The following ZNF564 variants were observed in gnomAD, a reference collection of about 807,000 sequenced individuals.
ZNF564 encodes the protein zinc finger protein 564.
In ZNF564, 5 loss-of-function variants were observed where a neutral mutation model predicts 10.5. The ratio of observed to expected loss-of-function variants is 0.48; its 90% CI spans 0.25 to 1.00. ZNF564 has a LOEUF of 1.00. Ranked by LOEUF, ZNF564 falls within the 50% of genes least tolerant of loss-of-function variation. The probability of loss-of-function intolerance (pLI) is 0.16; values close to 1 mark genes in which losing one functional copy is unlikely to be tolerated. For missense variants in ZNF564, 603 were observed against 669.7 expected, an observed-to-expected ratio of 0.90 and a Z score of 1.10; for synonymous variants, 242 against 218.1, an observed-to-expected ratio of 1.11 and a Z score of -0.97.
chr19:12,542,672 AGGAAGGAAGG>A (rs2022080171), intron 1 of ZNF564, among the ~76,000 whole-genome samples: 1 of 151,624 alleles, frequency 6.6e-6, no homozygotes, highest in African/African-American at 2.4e-5. Flanking sequence ...AAAAAAGGAA[AGGAAGGAAGG>A]AAAGGAAAAA....
Position 12,542,070 on chromosome 19 carries a change from G to A in ZNF564, c.3+9260C>T, listed in dbSNP as rs1219958583. 4.1e-5 allele frequency among the ~76,000 whole-genome samples: 6 copies of A among 146,468 alleles called. No homozygotes were observed. In the East Asian group the frequency reaches 8.0e-4, roughly 20 times the overall value. ...TTCTTGGCAGGGCATGGTGGCTCAC[G>A]CCTGTAATCCCAGCACTTTGGGAGG... On this transcript the variant is annotated intron_variant, in intron 1 of 3. Coordinates refer to ENST00000339282, the MANE Select transcript of ZNF564 (RefSeq NM_144976.4).
intron 1 of ZNF564, among the ~76,000 whole-genome samples, chr19:12,539,982 A>G (rs2022010080): frequency 6.7e-6 from 1 of 148,456 alleles, no homozygotes; most frequent in Non-Finnish European, 1.5e-5. Flanking sequence ...CTCCGTCTCA[A>G]AAAAAAAAAA....
At chr19:12,529,413 G>A (rs1247045204) in intron 1 of ZNF564, among the ~76,000 whole-genome samples, 1 of 151,950 alleles carries the variant, frequency 6.6e-6, no homozygotes, top group Non-Finnish European at 1.5e-5. Flanking sequence ...AGACCAGCCT[G>A]ACCAACACAG....
At chr19:12,543,868 G>C (rs974068145) in intron 1 of ZNF564, among the ~76,000 whole-genome samples, 2 of 152,126 alleles carry the variant, frequency 1.3e-5, no homozygotes, top group Non-Finnish European at 2.9e-5. Flanking sequence ...ATCGGGGTTA[G>C]AGACCATGAG....
intron 1 of ZNF564, among the ~76,000 whole-genome samples, chr19:12,531,262 G>C (rs1022745501): frequency 6.6e-6 from 1 of 152,056 alleles, no homozygotes; most frequent in African/African-American, 2.4e-5. Context: ...CTGAATGCTG[G>C]CCAGGTATGG....
intron 1 of ZNF564, among the ~76,000 whole-genome samples, chr19:12,544,558 C>T (rs2022116656): frequency 6.6e-6 from 1 of 152,184 alleles, no homozygotes; most frequent in Non-Finnish European, 1.5e-5. Context: ...TACACAGCCG[C>T]CTCCCTGTGA....
chr19:12,535,315 G>A (rs541633159), intron 1 of ZNF564, among the ~76,000 whole-genome samples: 44 of 152,242 alleles, frequency 2.9e-4, no homozygotes, highest in African/African-American at 1.0e-3. Context: ...GGAGGTTGCA[G>A]TGAGCCAAGA....
chr19:12,528,487 C>T (rs1227271465), intron 2 of ZNF564, 83 bp downstream of exon 2: 4 of 1,592,140 alleles, frequency 2.5e-6, no homozygotes, highest in Non-Finnish European at 2.6e-6. Flanking sequence ...CCCTTTTCCA[C>T]ATTAGACATC....
chr19:12,546,113 A>G (rs2022147313), intron 1 of ZNF564, among the ~76,000 whole-genome samples: 1 of 152,146 alleles, frequency 6.6e-6, no homozygotes, highest in South Asian at 2.1e-4. Flanking sequence ...AACACCAAAT[A>G]TATTTATTAC....
intron 1 of ZNF564, among the ~76,000 whole-genome samples, chr19:12,551,064 C>A (rs558440705): frequency 6.6e-6 from 1 of 152,222 alleles, no homozygotes; most frequent in Non-Finnish European, 1.5e-5. Flanking sequence ...TGGAGAGAGG[C>A]GGGGCTGCGG....
At chr19:12,551,239 G>T in intron 1 of ZNF564, 91 bp downstream of exon 1, 1 of 1,432,492 alleles carries the variant, frequency 7.0e-7, no homozygotes, top group Non-Finnish European at 9.6e-7. Context: ...TGGAGTCGCT[G>T]CAGGGAGGCC....
intron 1 of ZNF564, chr19:12,550,699 A>C (rs1321703192): frequency 6.3e-6 from 1 of 157,944 alleles, no homozygotes; most frequent in Non-Finnish European, 1.4e-5. Flanking sequence ...TCCTTTCAAA[A>C]GAGTATGGTG....
chr19:12,528,992 G>C (rs2021748178), intron 1 of ZNF564, among the ~76,000 whole-genome samples: 1 of 152,182 alleles, frequency 6.6e-6, no homozygotes, highest in African/African-American at 2.4e-5. Context: ...TTAAACAAGG[G>C]AGGCAGAGGT....
chr19:12,532,944 G>A (rs1007838711), intron 1 of ZNF564: 1 of 152,122 alleles, frequency 6.6e-6, no homozygotes, highest in Non-Finnish European at 1.5e-5. Flanking sequence ...CCCTCCAGCA[G>A]TAATTAAGAG....
intron 1 of ZNF564, among the ~76,000 whole-genome samples, chr19:12,537,041 A>G (rs1334505726): frequency 6.6e-6 from 1 of 152,158 alleles, no homozygotes; most frequent in Non-Finnish European, 1.5e-5. Context: ...AGATTTTCCT[A>G]TTATGGACTT....
intron 1 of ZNF564, among the ~76,000 whole-genome samples, chr19:12,539,683 A>C (rs2022000622): frequency 6.9e-6 from 1 of 144,498 alleles, no homozygotes; most frequent in South Asian, 2.2e-4. Context: ...GACAAAAAAG[A>C]AAAAGAAAAA....
At chr19:12,539,573 C>CAGGAGAATCGCTTGAACCCAGGAGGCAG (rs2021996882) in intron 1 of ZNF564, among the ~76,000 whole-genome samples, 1 of 150,296 alleles carries the variant, frequency 6.7e-6, no homozygotes, top group African/African-American at 2.4e-5. Context: ...GAGGCTGAGG[C>CAGGAGAATCGCTTGAACCCAGGAGGCAG]AGGAGAATCG....
chr19:12,547,073 A>T (rs905907782), intron 1 of ZNF564, among the ~76,000 whole-genome samples: 15 of 152,262 alleles, frequency 9.9e-5, no homozygotes, highest in Middle Eastern at 6.8e-3. Context: ...AAACTTTTTT[A>T]GGGGAAGAGG....
chr19:12,543,673 C>CAAAAAAAAA (rs57611686), intron 1 of ZNF564, among the ~76,000 whole-genome samples: 1 of 62,254 alleles, frequency 1.6e-5, no homozygotes, highest in Non-Finnish European at 2.9e-5. Context: ...GACTTCGTCT[C>CAAAAAAAAA]AAAAAAAAAA....
Sources: gnomAD v4.1 joint callset for allele counts (sites outside exome capture counted in the v4.1 genomes callset) on GRCh38, gnomAD v4.1.1 for gene constraint, MANE v1.5 for transcripts, NCBI Gene and HGNC (gene_info 2026-07-23, HGNC 2026-07-21) for gene names.